FOXP1: variants seen among roughly 807,000 people sequenced by gnomAD.
FOXP1 encodes the protein forkhead box protein P1.
A neutral mutation model predicts 98.2 loss-of-function variants in FOXP1; 15 were observed. That is an observed-to-expected ratio of 0.15 (90% CI 0.10 to 0.24). The LOEUF (loss-of-function observed/expected upper bound fraction) is 0.24, where lower values mean the gene tolerates loss of function less well. Ranked by LOEUF, FOXP1 falls within the 10% of genes least tolerant of loss-of-function variation. The pLI is 1.00. For missense variants in FOXP1, 633 were observed against 848.5 expected, an observed-to-expected ratio of 0.75 and a Z score of 3.15; for synonymous variants, 371 against 314.5, an observed-to-expected ratio of 1.18 and a Z score of -1.90.
intron 11 of FOXP1, among the ~76,000 whole-genome samples, chr3:71,029,017 C>T (rs2046499779): frequency 6.6e-6 from 1 of 152,206 alleles, no homozygotes; most frequent in Non-Finnish European, 1.5e-5. Context: ...ACTTCACTCA[C>T]TCACGTGCCT....
chr3:71,277,105 C>T (rs898624736), intron 5 of FOXP1, among the ~76,000 whole-genome samples: 1 of 151,652 alleles, frequency 6.6e-6, no homozygotes, highest in East Asian at 1.9e-4. Flanking sequence ...AATACAGGCG[C>T]CCGCCACCAC....
At chr3:71,216,522 T>C (rs1381082018) in intron 5 of FOXP1, among the ~76,000 whole-genome samples, 3 of 152,142 alleles carry the variant, frequency 2.0e-5, no homozygotes, top group Admixed American at 6.5e-5. Context: ...TAAGGTATAG[T>C]AGCCGCATGA....
At chr3:71,343,554 ATTTT>A (rs10658352) in intron 4 of FOXP1, among the ~76,000 whole-genome samples, 18 of 116,400 alleles carry the variant, frequency 1.5e-4, no homozygotes, top group African/African-American at 5.6e-4. Context: ...TCTCAATTAG[ATTTT>A]TTTTTTTTTT....
rs2032330621 is a variant in FOXP1, at chr3:70,958,297, TAG to T, written c.*948_*949del. On this transcript the variant is annotated 3_prime_UTR_variant, in exon 21 of 21. Coordinates refer to ENST00000649528, the MANE Select transcript of FOXP1 (RefSeq NM_001349338.3). ...GCGTGGAATGAATCGGCATTGTTCC[TAG>T]AGTTTGTCTCTCTTTTTTTTTTCTG... The T allele has an allele frequency of 3.0e-5, 16 of 536,030 alleles. No individual in the cohort carries two copies. The Middle Eastern group carries it at 3.1e-3, about 104-fold the overall frequency. 33.2% of individuals were successfully genotyped at this position (536,030 alleles called of 1,614,324 possible).
chr3:71,256,528 T>C (rs960109462), intron 5 of FOXP1, among the ~76,000 whole-genome samples: 1 of 152,068 alleles, frequency 6.6e-6, no homozygotes, highest in African/African-American at 2.4e-5. Flanking sequence ...GGACTACAGG[T>C]GCCCACTATC....
intron 3 of FOXP1, among the ~76,000 whole-genome samples, chr3:71,395,209 C>T (rs907855551): frequency 4.6e-5 from 7 of 150,860 alleles, no homozygotes; most frequent in Admixed American, 4.6e-4. Flanking sequence ...TTATTTGGCT[C>T]ATGACTGAAC....
At chr3:71,075,071 A>G (rs967598634) in intron 7 of FOXP1, among the ~76,000 whole-genome samples, 3 of 152,208 alleles carry the variant, frequency 2.0e-5, no homozygotes, top group Admixed American at 2.0e-4. Context: ...AACATGAAAC[A>G]TCAGGGTGGT....
chr3:71,408,433 C>T (rs139537986), intron 3 of FOXP1, among the ~76,000 whole-genome samples: 1 of 152,162 alleles, frequency 6.6e-6, no homozygotes, highest in Non-Finnish European at 1.5e-5. Context: ...CGTTACCATG[C>T]GCACATTCAC....
At chr3:71,328,307 A>G (rs2076047503) in intron 4 of FOXP1, among the ~76,000 whole-genome samples, 1 of 152,196 alleles carries the variant, frequency 6.6e-6, no homozygotes, top group Non-Finnish European at 1.5e-5. Context: ...AAAAAAAAGA[A>G]GAATTTGGCA....
intron 5 of FOXP1, among the ~76,000 whole-genome samples, chr3:71,254,320 T>C (rs2068455634): frequency 1.3e-5 from 2 of 152,182 alleles, no homozygotes; most frequent in Non-Finnish European, 2.9e-5. Context: ...GACTAGAATG[T>C]ACAGGTAGGT....
intron 3 of FOXP1, among the ~76,000 whole-genome samples, chr3:71,440,527 A>AGTT (rs1266941823): frequency 1.3e-5 from 2 of 152,016 alleles, no homozygotes; most frequent in African/African-American, 4.8e-5. Context: ...AATACAAGAA[A>AGTT]GTTAGCTGGG....
chr3:71,225,993 A>G (rs949781389), intron 5 of FOXP1, among the ~76,000 whole-genome samples: 1 of 152,212 alleles, frequency 6.6e-6, no homozygotes, highest in Non-Finnish European at 1.5e-5. Context: ...CTAGAAACAA[A>G]TGGTAGCTTT....
intron 5 of FOXP1, among the ~76,000 whole-genome samples, chr3:71,223,552 G>A (rs981100113): frequency 2.0e-5 from 3 of 152,064 alleles, no homozygotes; most frequent in South Asian, 2.1e-4. Flanking sequence ...AAAATTAGCC[G>A]AGTGTAATGG....
chr3:71,401,691 C>A (rs1414820016), intron 3 of FOXP1, among the ~76,000 whole-genome samples: 4 of 152,218 alleles, frequency 2.6e-5, no homozygotes, highest in Non-Finnish European at 5.9e-5. Context: ...GGAACTGTCT[C>A]TGCTCTAGTG....
rs537495259 is a variant in FOXP1 at position 71,568,179 on chromosome 3, G to C, written c.-298+13370C>G. Among the ~76,000 whole-genome samples the C allele has an allele frequency of 1.8e-3, 275 of 152,282 alleles. 3 individuals carry two copies. The highest frequency in any genetic ancestry group is 3.1e-3 in the Non-Finnish European group (211 of 68,016). On this transcript the variant is annotated intron_variant, in intron 2 of 20. Transcript: ENST00000649528. ...CCTCATGGGACCTTGCAGAAGGCCT[G>C]CAGAGAATACCCAGTCCTGGAAATG...
At chr3:71,562,298 T>C (rs2046600807) in intron 2 of FOXP1, among the ~76,000 whole-genome samples, 1 of 152,252 alleles carries the variant, frequency 6.6e-6, no homozygotes, top group South Asian at 2.1e-4. Context: ...GTAAATTACA[T>C]ACATTAACTT....
chr3:71,042,346 C>A (rs947996389), intron 10 of FOXP1, among the ~76,000 whole-genome samples: 6 of 151,992 alleles, frequency 3.9e-5, no homozygotes, highest in Admixed American at 3.3e-4. Context: ...CCAGTATTTT[C>A]CCCCAAGAAG....
chr3:71,330,680 C>T (rs914530381), intron 4 of FOXP1, among the ~76,000 whole-genome samples: 2 of 152,184 alleles, frequency 1.3e-5, no homozygotes, highest in African/African-American at 2.4e-5. Context: ...AATTATGTTA[C>T]ATTCATGCAG....
At chr3:71,565,219 G>A (rs1182200093) in intron 2 of FOXP1, among the ~76,000 whole-genome samples, 1 of 152,184 alleles carries the variant, frequency 6.6e-6, no homozygotes, top group Non-Finnish European at 1.5e-5. Context: ...AAAAGGATGA[G>A]AAATGATGGC....
Sources: gnomAD v4.1 joint callset for allele counts (sites outside exome capture counted in the v4.1 genomes callset) on GRCh38, gnomAD v4.1.1 for gene constraint, MANE v1.5 for transcripts, NCBI Gene and HGNC (gene_info 2026-07-23, HGNC 2026-07-21) for gene names.